Variants in ITGA9 observed in about 807,000 individuals in gnomAD.
The protein encoded by ITGA9 is integrin alpha-9.
A neutral mutation model predicts 127.8 loss-of-function variants in ITGA9; 56 were observed. That is an observed-to-expected ratio of 0.44 (90% CI 0.35 to 0.55). The LOEUF is 0.55. ITGA9 is among the 20% of genes least tolerant of loss of function. The pLI, the probability that ITGA9 is intolerant of heterozygous loss-of-function variation, is 0.00. For synonymous variants in ITGA9, 508 were observed against 514.5 expected (o/e 0.99, Z 0.17); for missense variants, 1,196 against 1,347.1 (o/e 0.89, Z 1.76).
At chr3:37,685,690 A>G (rs1032627421) in intron 18 of ITGA9, among the ~76,000 whole-genome samples, 8 of 152,198 alleles carry the variant, frequency 5.3e-5, no homozygotes, top group African/African-American at 1.9e-4. Flanking sequence ...CTCAGGACCC[A>G]TGCGAGAAAT....
rs1575255430 is a variant in ITGA9 at position 37,821,389 on chromosome 3, C to T, written c.*2400C>T. 6.6e-6 allele frequency: 1 copy of T among 152,146 alleles called. No homozygotes were observed. The highest frequency in any genetic ancestry group is 1.9e-4 in the East Asian group (1 of 5,188). The allele number at this position is 152,146 out of a possible 1,614,324, so 9.4% of individuals were successfully genotyped here. The stretch of plus-strand genomic sequence containing the variant: ...AAGGTGCTGGAGGTTCCCCAGAGAA[C>T]ACTTCAGGGACATTTTGCCTCAGGG... On this transcript the variant is annotated 3_prime_UTR_variant, in exon 28 of 28. Transcript: ENST00000264741.
At chr3:37,778,465 A>C (rs1575233529) in intron 24 of ITGA9, among the ~76,000 whole-genome samples, 1 of 152,196 alleles carries the variant, frequency 6.6e-6, no homozygotes, top group South Asian at 2.1e-4. Context: ...TAAAAATACA[A>C]AAATTAGCTG....
intron 15 of ITGA9, among the ~76,000 whole-genome samples, chr3:37,614,614 A>T (rs1262205360): frequency 3.3e-5 from 5 of 151,976 alleles, no homozygotes; most frequent in Non-Finnish European, 5.9e-5. Flanking sequence ...ATGTTCTTCC[A>T]TTTGTTTGTA....
Position 37,617,627 on chromosome 3 carries a change from C to T in ITGA9, c.1690-11560C>T, listed in dbSNP as rs546389949. 5.9e-5 allele frequency among the ~76,000 whole-genome samples: 9 copies of T among 152,340 alleles called. No individual in the cohort carries two copies. In the South Asian group the frequency reaches 1.9e-3, roughly 32 times the overall value. On this transcript the variant is annotated intron_variant, in intron 15 of 27. Coordinates refer to ENST00000264741, the MANE Select transcript of ITGA9 (RefSeq NM_002207.3). ...ATCAGACGTAGATTTGGTCTTTTCA[C>T]ATAGTCCCATATTTCTTGGAGGCTT...
intron 6 of ITGA9, among the ~76,000 whole-genome samples, 197 bp from the exon 7 acceptor site, chr3:37,505,803 A>G (rs1353910151): frequency 6.6e-6 from 1 of 152,214 alleles, no homozygotes; most frequent in Non-Finnish European, 1.5e-5. Flanking sequence ...TCCTGCCCTG[A>G]TATCCTTGTG....
At chr3:37,509,928 A>T (rs1698884323) in intron 8 of ITGA9, among the ~76,000 whole-genome samples, 1 of 152,224 alleles carries the variant, frequency 6.6e-6, no homozygotes, top group Non-Finnish European at 1.5e-5. Context: ...GATCTTCTGC[A>T]GAAGATAACA....
chr3:37,665,770 A>G (rs1234891249), intron 17 of ITGA9, among the ~76,000 whole-genome samples: 1 of 152,052 alleles, frequency 6.6e-6, no homozygotes, highest in Non-Finnish European at 1.5e-5. Flanking sequence ...TGGGCTTTCT[A>G]GGAGGGGGCA....
intron 18 of ITGA9, among the ~76,000 whole-genome samples, chr3:37,687,782 T>C (rs1319013318): frequency 2.0e-5 from 3 of 152,228 alleles, no homozygotes; most frequent in Non-Finnish European, 2.9e-5. Flanking sequence ...ATTCATAGGC[T>C]ATTACCTCTT....
chr3:37,691,086 A>C (rs577616509), intron 18 of ITGA9, among the ~76,000 whole-genome samples: 1 of 152,236 alleles, frequency 6.6e-6, no homozygotes, highest in Non-Finnish European at 1.5e-5. Context: ...GGCAGGAGAG[A>C]CCTACATGGT....
intron 15 of ITGA9, among the ~76,000 whole-genome samples, chr3:37,607,722 G>T (rs994898766): frequency 6.6e-6 from 1 of 152,172 alleles, no homozygotes; most frequent in Non-Finnish European, 1.5e-5. Context: ...GAAGAAAGGG[G>T]TTAAAATGTC....
chr3:37,453,963 T>G (rs1420622865), intron 1 of ITGA9, among the ~76,000 whole-genome samples: 1 of 152,224 alleles, frequency 6.6e-6, no homozygotes, highest in Non-Finnish European at 1.5e-5. Context: ...TCTTAACACT[T>G]GTCAAATTCC....
chr3:37,485,121 C>T (rs1022910642), intron 4 of ITGA9, among the ~76,000 whole-genome samples: 2 of 152,086 alleles, frequency 1.3e-5, no homozygotes, highest in Non-Finnish European at 2.9e-5. Context: ...GTGGGAGGGC[C>T]GTGTGGAGAG....
At chr3:37,702,118 C>T (rs1700953115) in intron 18 of ITGA9, among the ~76,000 whole-genome samples, 1 of 152,080 alleles carries the variant, frequency 6.6e-6, no homozygotes, top group South Asian at 2.1e-4. Flanking sequence ...CTTAGAAGGG[C>T]TTAGGGTGGT....
At chr3:37,613,942 T>C (rs1700048922) in intron 15 of ITGA9, among the ~76,000 whole-genome samples, 1 of 152,252 alleles carries the variant, frequency 6.6e-6, no homozygotes, top group South Asian at 2.1e-4. Flanking sequence ...GTAGTTTCTT[T>C]TGCTGTGCAG....
At chr3:37,592,063 A>G (rs1051467081) in intron 15 of ITGA9, among the ~76,000 whole-genome samples, 2 of 152,034 alleles carry the variant, frequency 1.3e-5, no homozygotes, top group Non-Finnish European at 2.9e-5. Context: ...CCACGCCCCC[A>G]TATTCTGAGA....
chr3:37,666,537 T>G (rs972161276), intron 17 of ITGA9, among the ~76,000 whole-genome samples: 1 of 152,130 alleles, frequency 6.6e-6, no homozygotes, highest in African/African-American at 2.4e-5. Flanking sequence ...TGTTGGTTTG[T>G]GGTTCGCTGG....
intron 26 of ITGA9, among the ~76,000 whole-genome samples, chr3:37,803,612 C>G (rs1182778496): frequency 1.3e-5 from 2 of 152,108 alleles, no homozygotes; most frequent in Admixed American, 1.3e-4. Flanking sequence ...TGGTGAAACC[C>G]TGTCTCTACT....
chr3:37,636,053 C>A (rs190514537), intron 16 of ITGA9, among the ~76,000 whole-genome samples: 6,047 of 151,950 alleles, frequency 0.04, 142 homozygotes, highest in Non-Finnish European at 0.047. Flanking sequence ...TAGGTTGGTT[C>A]CAAGTCTTTG....
At chr3:37,724,797 C>G (rs1701229481) in intron 18 of ITGA9, among the ~76,000 whole-genome samples, 1 of 152,202 alleles carries the variant, frequency 6.6e-6, no homozygotes, top group Non-Finnish European at 1.5e-5. Context: ...TGAGCCCGGT[C>G]AAAATCCCTT....
Sources: gnomAD v4.1 joint callset for allele counts (sites outside exome capture counted in the v4.1 genomes callset) on GRCh38, gnomAD v4.1.1 for gene constraint, MANE v1.5 for transcripts, NCBI Gene and HGNC (gene_info 2026-07-23, HGNC 2026-07-21) for gene names.